HSPB3: variants seen among roughly 807,000 people sequenced by gnomAD.
HSPB3 encodes heat shock protein beta-3.
HSPB3 carries 10 observed loss-of-function variants against 10.9 expected under a neutral mutation model. The observed-to-expected ratio is 0.91, with a 90% confidence interval of 0.56 to 1.55. The LOEUF is 1.55. Among genes scored for constraint, HSPB3 ranks in the 40% most tolerant of loss-of-function variants. HSPB3 has a pLI of 0.00. For missense variants in HSPB3, 176 were observed against 184.1 expected (o/e 0.96, Z 0.25); for synonymous variants, 73 against 71.8 (o/e 1.02, Z -0.08).
Position 54,456,090 on chromosome 5 carries a change from G to A in HSPB3, c.301G>A (p.Gly101Arg), listed in dbSNP as rs899435605. ...CTGGCTGCTGATAAAAGCACAACAC[G>A]GAACCAGAATGGATGAGCACGGTTT... ...EGWLLIKAQH[G>R]TRMDEHGFIS... Residue 101 changes from glycine to arginine, a missense_variant, in exon 1 of 1, where the codon GGA becomes AGA. Coordinates refer to ENST00000302005, the MANE Select transcript of HSPB3 (RefSeq NM_006308.3). 8 of 1,613,946 alleles carry A rather than the reference G, an allele frequency of 5.0e-6. No homozygotes were observed. The highest frequency in any genetic ancestry group is 2.7e-5 in the African/African-American group (2 of 74,862).
rs756589148 is a variant in HSPB3 at position 54,455,818 on chromosome 5, TAG to T, written c.33_34del (p.Glu11AspfsTer10). 6.2e-7 allele frequency: 1 copy of T among 1,614,026 alleles called. No homozygotes were observed. Among genetic ancestry groups the T allele is most frequent in the South Asian group, 1.1e-5 (1 of 91,062 alleles). On this transcript the variant is annotated frameshift_variant, in exon 1 of 1. Coordinates refer to ENST00000302005, the MANE Select transcript of HSPB3 (RefSeq NM_006308.3). LOFTEE classifies it high-confidence loss of function. ...GCAAAAATCATTTTGAGGCACCTCATAGAGATTCCAGTGCGTTACCAGGAAGA... is the reference window on the plus strand; with the variant it reads ...GCAAAAATCATTTTGAGGCACCTCATAGATTCCAGTGCGTTACCAGGAAGA...
rs1761045423 is a variant in HSPB3 at position 54,456,147 on chromosome 5, C to T, written c.358C>T (p.Leu120=). The part of the protein sequence containing the change: ...ISRSFTRQYK[L]PDGVEIKDLS... ...AAGAAGCTTCACCCGACAGTACAAACTACCAGATGGTGTGGAAATCAAAGA... is the reference window on the plus strand; with the variant it reads ...AAGAAGCTTCACCCGACAGTACAAATTACCAGATGGTGTGGAAATCAAAGA... Residue 120 remains leucine, a synonymous_variant, in exon 1 of 1, where the codon CTA becomes TTA. Coordinates refer to ENST00000302005, the MANE Select transcript of HSPB3 (RefSeq NM_006308.3). 2 of 1,614,054 alleles carry T rather than the reference C, an allele frequency of 1.2e-6. No individual in the cohort carries two copies. The highest frequency in any genetic ancestry group is 1.3e-5 in the African/African-American group (1 of 74,918).
In HSPB3 at chr5:54,455,896, C is replaced by T. The variant is rs748238905; in HGVS notation, c.107C>T (p.Ala36Val). Residue 36 changes from alanine to valine, a missense_variant, in exon 1 of 1, where the codon GCA becomes GTA. Transcript: ENST00000302005. ...EDCRLDHALY[A>V]LPGPTIVDLR... ...TGCAGGCTGGATCATGCTTTATATG[C>T]ACTGCCTGGGCCAACCATCGTGGAC... 6.2e-7 allele frequency: 1 copy of T among 1,614,162 alleles called. No homozygotes were observed. The highest frequency in any genetic ancestry group is 8.5e-7 in the Non-Finnish European group (1 of 1,180,018).
At position 54,456,324 on chromosome 5, in the gene HSPB3, C is replaced by A; in HGVS notation, c.*82C>A. Reference sequence around the variant, plus strand: ...ACTACGAGAATGTTTGTATTACCCACATTTGAAATGATTTGCTATGATTTT... The same window carrying A: ...ACTACGAGAATGTTTGTATTACCCAAATTTGAAATGATTTGCTATGATTTT... On this transcript the variant is annotated 3_prime_UTR_variant, in exon 1 of 1. Coordinates refer to ENST00000302005, the MANE Select transcript of HSPB3 (RefSeq NM_006308.3). 1 of 1,038,706 alleles carries A rather than the reference C, an allele frequency of 9.6e-7. No individual in the cohort carries two copies. Among genetic ancestry groups the A allele is most frequent in the Non-Finnish European group, 1.5e-6 (1 of 655,642 alleles). The allele number at this position is 1,038,706 out of a possible 1,614,324, so 64.3% of individuals were successfully genotyped here.
Position 54,456,308 on chromosome 5 carries a change from A to G in HSPB3, c.*66A>G. On this transcript the variant is annotated 3_prime_UTR_variant, in exon 1 of 1. Transcript: ENST00000302005. ...TGGTTCAGCCACTGGTACTACGAGA[A>G]TGTTTGTATTACCCACATTTGAAAT... 1 of 1,177,536 alleles carries G rather than the reference A, an allele frequency of 8.5e-7. No homozygotes were observed. Among genetic ancestry groups the G allele is most frequent in the South Asian group, 1.2e-5 (1 of 82,222 alleles). 72.9% of individuals were successfully genotyped at this position (1,177,536 alleles called of 1,614,324 possible). A position where few individuals can be genotyped will look rare whatever the true frequency, so the allele number is the denominator to read the frequency against.
chr5:54,455,918 G>A lies in HSPB3; in HGVS notation c.129G>A (p.Val43=), dbSNP rs766804623. 2 of 1,613,996 alleles carry A rather than the reference G, an allele frequency of 1.2e-6. No individual in the cohort carries two copies. Among genetic ancestry groups the A allele is most frequent in the African/African-American group, 2.7e-5 (2 of 74,902 alleles). Residue 43 remains valine, a synonymous_variant, in exon 1 of 1, where the codon GTG becomes GTA. Transcript: ENST00000302005. ...ALYALPGPTI[V]DLRKTRAAQS... is the part of the protein sequence containing the mutation. The stretch of plus-strand genomic sequence containing the variant: ...ATGCACTGCCTGGGCCAACCATCGT[G>A]GACCTGAGGAAAACCAGGGCAGCGC...
At position 54,456,225 on chromosome 5, in the gene HSPB3, C is replaced by A. The variant is rs765278190; in HGVS notation, c.436C>A (p.Pro146Thr). ...AATTTTGGTGGTGGAAGTAAAGGAT[C>A]CAGTTGGGACTAAGTGACATCGTAT... The part of the protein sequence containing the change: ...DGILVVEVKD[P>T]VGTK Residue 146 changes from proline to threonine, a missense_variant, in exon 1 of 1, where the codon CCA (proline) becomes ACA (threonine). By Grantham distance (38) the Pro-to-Thr change is conservative (BLOSUM62 -1). Transcript: ENST00000302005. The A allele has an allele frequency of 6.2e-7, 1 of 1,613,780 alleles. No individual in the cohort carries two copies. The highest frequency in any genetic ancestry group is 1.1e-5 in the South Asian group (1 of 91,070).
Position 54,456,304 on chromosome 5 carries a change from G to C in HSPB3, c.*62G>C. The C allele has an allele frequency of 1.6e-6, 2 of 1,236,610 alleles. No individual in the cohort carries two copies. Among genetic ancestry groups the C allele is most frequent in the Non-Finnish European group, 2.4e-6 (2 of 835,940 alleles). 76.6% of individuals were successfully genotyped at this position (1,236,610 alleles called of 1,614,324 possible). On this transcript the variant is annotated 3_prime_UTR_variant, in exon 1 of 1. Transcript: ENST00000302005. ...ATGATGGTTCAGCCACTGGTACTAC[G>C]AGAATGTTTGTATTACCCACATTTG...
Position 54,456,064 on chromosome 5 carries a change from G to T in HSPB3, c.275G>T (p.Gly92Val), listed in dbSNP as rs777949955. The T allele has an allele frequency of 1.2e-6, 2 of 1,614,028 alleles. No homozygotes were observed. Among genetic ancestry groups the T allele is most frequent in the Non-Finnish European group, 1.7e-6 (2 of 1,180,034 alleles). The change falls in exon 1 of 1, where the codon GGC becomes GTC. Residue 92 changes from glycine to valine, a missense_variant. Physicochemically the swap from Gly to Val is moderately radical, Grantham distance 109. Coordinates refer to ENST00000302005, the MANE Select transcript of HSPB3 (RefSeq NM_006308.3). ...PEDIIIQTFE[G>V]WLLIKAQHGT... Reference sequence around the variant, plus strand: ...GACATCATCATTCAGACCTTCGAAGGCTGGCTGCTGATAAAAGCACAACAC... The same window carrying T: ...GACATCATCATTCAGACCTTCGAAGTCTGGCTGCTGATAAAAGCACAACAC...
rs1183169740 is a variant in HSPB3 at position 54,455,746 on chromosome 5, A to G, written c.-44A>G. On this transcript the variant is annotated 5_prime_UTR_variant, in exon 1 of 1. Transcript: ENST00000302005. ...CTCGCCACTGACTGAAGGCAGTGGA[A>G]GGTTGGCAGAAGGAGGCTGTTCAAG... 1.3e-6 allele frequency: 2 copies of G among 1,518,102 alleles called. No individual in the cohort carries two copies. The highest frequency in any genetic ancestry group is 1.4e-5 in the African/African-American group (1 of 73,136). 94.0% of individuals were successfully genotyped at this position (1,518,102 alleles called of 1,614,324 possible). A position where few individuals can be genotyped will look rare whatever the true frequency, so the allele number is the denominator to read the frequency against.
Position 54,455,959 on chromosome 5 carries a change from A to T in HSPB3, c.170A>T (p.Asp57Val), listed in dbSNP as rs1024727369. 5.6e-6 allele frequency: 9 copies of T among 1,613,930 alleles called. No homozygotes were observed. In the Middle Eastern group the frequency reaches 6.6e-4, roughly 118 times the overall value. Reference sequence around the variant, plus strand: ...AGGGCAGCGCAGTCTCCTCCAGTGGACTCAGCGGCAGAGACGCCACCCCGA... The same window carrying T: ...AGGGCAGCGCAGTCTCCTCCAGTGGTCTCAGCGGCAGAGACGCCACCCCGA... The part of the protein sequence containing the change: ...KTRAAQSPPV[D>V]SAAETPPREG... Residue 57 changes from aspartate to valine, a missense_variant, in exon 1 of 1, where the codon GAC becomes GTC. By Grantham distance (152) the Asp-to-Val change is radical. Coordinates refer to ENST00000302005, the MANE Select transcript of HSPB3 (RefSeq NM_006308.3).
rs752560647 is a variant in HSPB3, at chr5:54,456,128, C to T, written c.339C>T (p.Ser113=). The T allele has an allele frequency of 1.9e-6, 3 of 1,614,138 alleles. No individual in the cohort carries two copies. Among genetic ancestry groups the T allele is most frequent in the Admixed American group, 1.7e-5 (1 of 60,016 alleles). Residue 113 remains serine, a synonymous_variant, in exon 1 of 1, where the codon AGC becomes AGT. Coordinates refer to ENST00000302005, the MANE Select transcript of HSPB3 (RefSeq NM_006308.3). ...RMDEHGFISR[S]FTRQYKLPDG... is the part of the protein sequence containing the mutation. ...ATGAGCACGGTTTTATCTCAAGAAG[C>T]TTCACCCGACAGTACAAACTACCAG...
chr5:54,456,334 G>T lies in HSPB3; in HGVS notation c.*92G>T. The T allele has an allele frequency of 2.0e-6, 2 of 976,036 alleles. No homozygotes were observed. Among genetic ancestry groups the T allele is most frequent in the South Asian group, 1.3e-5 (1 of 77,458 alleles). 60.5% of individuals were successfully genotyped at this position (976,036 alleles called of 1,614,324 possible). The stretch of plus-strand genomic sequence containing the variant: ...TGTTTGTATTACCCACATTTGAAAT[G>T]ATTTGCTATGATTTTTATGAAGATT... On this transcript the variant is annotated 3_prime_UTR_variant, in exon 1 of 1. Coordinates refer to ENST00000302005, the MANE Select transcript of HSPB3 (RefSeq NM_006308.3).
At position 54,456,202 on chromosome 5, in the gene HSPB3, T is replaced by C. The variant is rs1255273595; in HGVS notation, c.413T>C (p.Ile138Thr). 1 of 1,614,058 alleles carries C rather than the reference T, an allele frequency of 6.2e-7. No homozygotes were observed. Among genetic ancestry groups the C allele is most frequent in the Non-Finnish European group, 8.5e-7 (1 of 1,180,024 alleles). ...DLSAVLCHDGILVVEVKDPVG... is the reference protein window; with the variant it reads ...DLSAVLCHDGTLVVEVKDPVG... Reference sequence around the variant, plus strand: ...TCTGCAGTCCTCTGTCATGATGGAATTTTGGTGGTGGAAGTAAAGGATCCA... The same window carrying C: ...TCTGCAGTCCTCTGTCATGATGGAACTTTGGTGGTGGAAGTAAAGGATCCA... The change falls in exon 1 of 1, where the codon ATT becomes ACT. Residue 138 changes from isoleucine (I) to threonine (T), a missense_variant. By Grantham distance (89) the Ile-to-Thr change is moderately conservative (BLOSUM62 -1). Coordinates refer to ENST00000302005, the MANE Select transcript of HSPB3 (RefSeq NM_006308.3).
Position 54,456,018 on chromosome 5 carries a change from G to A in HSPB3, c.229G>A (p.Val77Met), listed in dbSNP as rs148535965. The A allele has an allele frequency of 6.0e-5, 97 of 1,614,038 alleles. 1 individual carries two copies. The African/African-American group carries it at 8.8e-4, about 15-fold the overall frequency. The stretch of plus-strand genomic sequence containing the variant: ...ATCCCACTTTCAGATCCTGCTGGAC[G>A]TGGTCCAGTTCCTCCCTGAAGACAT... ...GKSHFQILLD[V>M]VQFLPEDIII... The change falls in exon 1 of 1, where the codon GTG becomes ATG. Residue 77 changes from valine to methionine, a missense_variant. Val to Met is a conservative substitution (Grantham distance 21). Transcript: ENST00000302005.
Position 54,455,856 on chromosome 5 carries a change from C to T in HSPB3, c.67C>T (p.Arg23Ter), listed in dbSNP as rs755999042. Reference sequence around the variant, plus strand: ...GCGTTACCAGGAAGAGTTTGAAGCTCGAGGTCTAGAAGACTGCAGGCTGGA... The same window carrying T: ...GCGTTACCAGGAAGAGTTTGAAGCTTGAGGTCTAGAAGACTGCAGGCTGGA... Reference protein sequence around the residue: ...PVRYQEEFEARGLEDCRLDHA... With the variant: ...PVRYQEEFEA Residue 23 changes from arginine (R) to a stop codon, truncating the protein, a stop_gained, in exon 1 of 1, where the codon CGA becomes TGA. Coordinates refer to ENST00000302005, the MANE Select transcript of HSPB3 (RefSeq NM_006308.3). LOFTEE classifies it high-confidence loss of function. The T allele has an allele frequency of 2.8e-5, 45 of 1,613,964 alleles. No homozygotes were observed. Among genetic ancestry groups the T allele is most frequent in the Non-Finnish European group, 3.6e-5 (42 of 1,180,004 alleles).
At position 54,456,351 on chromosome 5, in the gene HSPB3, A is replaced by C. The variant is rs564437576; in HGVS notation, c.*109A>C. On this transcript the variant is annotated 3_prime_UTR_variant, in exon 1 of 1. Transcript: ENST00000302005. Reference sequence around the variant, plus strand: ...TTTGAAATGATTTGCTATGATTTTTATGAAGATTAAAAATATATACACAGT... The same window carrying C: ...TTTGAAATGATTTGCTATGATTTTTCTGAAGATTAAAAATATATACACAGT... 272 of 931,706 alleles carry C rather than the reference A, an allele frequency of 2.9e-4. 1 individual carries two copies. The highest frequency in any genetic ancestry group is 4.1e-4 in the Non-Finnish European group (233 of 563,480). The allele number at this position is 931,706 out of a possible 1,614,324, so 57.7% of individuals were successfully genotyped here. A position where few individuals can be genotyped will look rare whatever the true frequency, so the allele number is the denominator to read the frequency against.
Position 54,455,847 on chromosome 5 carries a change from T to C in HSPB3, c.58T>C (p.Phe20Leu), listed in dbSNP as rs781112597. The C allele has an allele frequency of 1.9e-6, 3 of 1,613,478 alleles. No homozygotes were observed. The highest frequency in any genetic ancestry group is 2.5e-6 in the Non-Finnish European group (3 of 1,179,844). Residue 20 changes from phenylalanine to leucine, a missense_variant, in exon 1 of 1, where the codon TTT becomes CTT. Transcript: ENST00000302005. ...IEIPVRYQEE[F>L]EARGLEDCRL... is the part of the protein sequence containing the mutation. ...GATTCCAGTGCGTTACCAGGAAGAG[T>C]TTGAAGCTCGAGGTCTAGAAGACTG...
rs1761046192 is a variant in HSPB3 at position 54,456,222 on chromosome 5, G to A, written c.433G>A (p.Asp145Asn). 5 of 1,614,080 alleles carry A rather than the reference G, an allele frequency of 3.1e-6. No homozygotes were observed. The highest frequency in any genetic ancestry group is 4.2e-6 in the Non-Finnish European group (5 of 1,179,924). ...HDGILVVEVK[D>N]PVGTK ...TGGAATTTTGGTGGTGGAAGTAAAG[G>A]ATCCAGTTGGGACTAAGTGACATCG... The change falls in exon 1 of 1, where the codon GAT (aspartate) becomes AAT (asparagine). Residue 145 changes from aspartate to asparagine, a missense_variant. Coordinates refer to ENST00000302005, the MANE Select transcript of HSPB3 (RefSeq NM_006308.3).
Sources: gnomAD v4.1 joint callset for allele counts on GRCh38, gnomAD v4.1.1 for gene constraint, MANE v1.5 for transcripts, NCBI Gene and HGNC (gene_info 2026-07-23, HGNC 2026-07-21) for gene names.